Variants in KCNT1 observed in about 807,000 individuals in gnomAD.
The protein encoded by KCNT1 is potassium channel subfamily T member 1.
KCNT1 carries 78 observed loss-of-function variants against 147.8 expected under a neutral mutation model. The observed-to-expected ratio is 0.53, with a 90% CI of 0.44 to 0.64. The LOEUF (loss-of-function observed/expected upper bound fraction) is 0.64, where lower values mean the gene tolerates loss of function less well. Ranked by LOEUF, KCNT1 falls within the 30% of genes least tolerant of loss-of-function variation. The pLI, the probability that KCNT1 is intolerant of heterozygous loss-of-function variation, is 0.00. For synonymous variants in KCNT1, 867 were observed against 748.8 expected (o/e 1.16, Z -2.58); for missense variants, 1,419 against 1,750.3 (o/e 0.81, Z 3.38).
chr9:135,710,650 A>G (rs1327658156), intron 1 of KCNT1, among the ~76,000 whole-genome samples: 1 of 152,206 alleles, frequency 6.6e-6, no homozygotes, highest in Admixed American at 6.5e-5. Flanking sequence ...GCCAGACCGC[A>G]GAGTGTCAGC....
intron 2 of KCNT1, among the ~76,000 whole-genome samples, chr9:135,737,234 G>A (rs1268729614): frequency 2.0e-5 from 3 of 152,204 alleles, no homozygotes; most frequent in Non-Finnish European, 2.9e-5. Flanking sequence ...GCTGCCTGGG[G>A]AGCCCTGCTG....
At position 135,702,199 on chromosome 9, in the gene KCNT1, G is replaced by A. The variant is rs1835059697; in HGVS notation, c.-60G>A. The A allele has an allele frequency of 1.6e-6, 2 of 1,258,448 alleles. No homozygotes were observed. The highest frequency in any genetic ancestry group is 2.3e-6 in the Non-Finnish European group (2 of 874,422). 78.0% of individuals were successfully genotyped at this position (1,258,448 alleles called of 1,614,324 possible). A position where few individuals can be genotyped will look rare whatever the true frequency, so the allele number is the denominator to read the frequency against. On this transcript the variant is annotated 5_prime_UTR_variant, in exon 1 of 31. Transcript: ENST00000371757. ...AAATGTTTTTCAGGGCAACGCGAGGGAAGAAGGTGGCGGCTCCCACTCGCT... is the reference window on the plus strand; with the variant it reads ...AAATGTTTTTCAGGGCAACGCGAGGAAAGAAGGTGGCGGCTCCCACTCGCT...
In KCNT1 at chr9:135,714,600, C is replaced by A; in HGVS notation, c.134C>A (p.Ala45Glu). Residue 45 changes from alanine to glutamate, a missense_variant, in exon 2 of 31, where the codon GCG (alanine) becomes GAG (glutamate). Ala to Glu is a moderately radical substitution (Grantham distance 107, BLOSUM62 -1). Coordinates refer to ENST00000371757, the MANE Select transcript of KCNT1 (RefSeq NM_020822.3). The surrounding 1 kb of genome is among the most constrained non-coding windows in gnomAD (Gnocchi z 6.2). The part of the protein sequence containing the change: ...APRRPCAGDG[A>E]LLDTAGFKMS... ...AGGCGGCCCTGCGCGGGGGACGGCG[C>A]GCTCCTGGACACCGCCGGCTTCAAG... 1 of 1,406,292 alleles carries A rather than the reference C, an allele frequency of 7.1e-7. No individual in the cohort carries two copies. The highest frequency in any genetic ancestry group is 1.5e-5 in the African/African-American group (1 of 66,526). 87.1% of individuals were successfully genotyped at this position (1,406,292 alleles called of 1,614,324 possible).
In KCNT1 at chr9:135,730,767, C is replaced by T. The variant is rs897284943; in HGVS notation, c.254+16047C>T. ...TTGGGAGGCCAAGGCAGGCAGATCT[C>T]TCGAGCTCAGGAGTTCCAGACCAGC... On this transcript the variant is annotated intron_variant, in intron 2 of 30. Transcript: ENST00000371757. The surrounding 1 kb of genome is among the most constrained non-coding windows in gnomAD (Gnocchi z 4.7). 6.6e-6 allele frequency among the ~76,000 whole-genome samples: 1 copy of T among 152,086 alleles called. No homozygotes were observed. Among genetic ancestry groups the T allele is most frequent in the African/African-American group, 2.4e-5 (1 of 41,406 alleles).
chr9:135,706,887 TA>T (rs763134066), intron 1 of KCNT1, among the ~76,000 whole-genome samples: 3 of 152,038 alleles, frequency 2.0e-5, no homozygotes, highest in African/African-American at 4.8e-5. Flanking sequence ...TACGGGCCCC[TA>T]GATGGAGCAG....
chr9:135,753,821 C>T (rs887947573), intron 4 of KCNT1, 116 bp from the exon 5 acceptor site: 30 of 1,029,036 alleles, frequency 2.9e-5, no homozygotes, highest in Middle Eastern at 4.1e-4. Context: ...GGGTTAGCCC[C>T]GGGTGGGTGA....
intron 11 of KCNT1, among the ~76,000 whole-genome samples, chr9:135,762,523 A>G (rs1050567941): frequency 1.3e-5 from 2 of 152,138 alleles, no homozygotes; most frequent in African/African-American, 4.8e-5. Flanking sequence ...CGAGGTGGGT[A>G]GATCACTTGA....
At chr9:135,791,404 T>TCTCGGTGGTC in intron 29 of KCNT1, 3 of 255,930 alleles carry the variant, frequency 1.2e-5, no homozygotes, top group South Asian at 5.0e-5. Context: ...CAGGTGTAGA[T>TCTCGGTGGTC]GAAGGCATGC....
intron 1 of KCNT1, among the ~76,000 whole-genome samples, chr9:135,706,408 C>A (rs1287786724): frequency 6.6e-6 from 1 of 152,230 alleles, no homozygotes; most frequent in Non-Finnish European, 1.5e-5. Flanking sequence ...TGGCCCACGG[C>A]CCCCAGGGGT....
rs1195735909 is a variant in KCNT1 at position 135,756,946 on chromosome 9, C to T, written c.600+14C>T. ...CTCAGCTACAAAGTGAGTGCCTGCC[C>T]GGGATGGCACCTCACAGGGGGTCCC... On this transcript the variant is annotated intron_variant, in intron 7 of 30. Transcript: ENST00000371757. 27 of 1,611,094 alleles carry T rather than the reference C, an allele frequency of 1.7e-5. 1 individual carries two copies. Among genetic ancestry groups the T allele is most frequent in the Admixed American group, 8.3e-5 (5 of 59,934 alleles).
Position 135,784,516 on chromosome 9 carries a change from T to G in KCNT1, c.2944-19T>G. On this transcript the variant is annotated intron_variant, in intron 25 of 30. Coordinates refer to ENST00000371757, the MANE Select transcript of KCNT1 (RefSeq NM_020822.3). The stretch of plus-strand genomic sequence containing the variant: ...CTCCCTCCCTCCCTCCCTCCCTCCC[T>G]CCCTCCCTCCCTGGCCAGTCCTTCG... 2 of 164,464 alleles carry G rather than the reference T, an allele frequency of 1.2e-5. No homozygotes were observed. The highest frequency in any genetic ancestry group is 2.4e-5 in the Non-Finnish European group (2 of 83,254). 10.2% of individuals were successfully genotyped at this position (164,464 alleles called of 1,614,324 possible).
intron 2 of KCNT1, chr9:135,736,793 G>A: frequency 5.3e-6 from 2 of 376,058 alleles, no homozygotes; most frequent in East Asian, 7.5e-5. Context: ...CAGAGGTAGG[G>A]GCGCGCGGGC....
At chr9:135,747,291 G>A (rs1423504006) in intron 2 of KCNT1, among the ~76,000 whole-genome samples, 1 of 151,958 alleles carries the variant, frequency 6.6e-6, no homozygotes, top group Non-Finnish European at 1.5e-5. Flanking sequence ...CAAGTGAGGT[G>A]AGCAGACCCC....
intron 9 of KCNT1, 37 bp from the exon 10 acceptor site, chr9:135,758,377 A>G: frequency 1.3e-6 from 2 of 1,509,376 alleles, no homozygotes; most frequent in Non-Finnish European, 1.8e-6. Context: ...CGGGGTCCAC[A>G]GTCCCTGCCC....
At chr9:135,779,226 G>T in intron 23 of KCNT1, 133 bp from the exon 24 acceptor site, 1 of 587,494 alleles carries the variant, frequency 1.7e-6, no homozygotes. Context: ...AAGACAGTGG[G>T]CCCTGCCCTG....
chr9:135,750,592 C>T (rs1408960529), intron 3 of KCNT1: 6 of 463,222 alleles, frequency 1.3e-5, no homozygotes, highest in Non-Finnish European at 2.4e-5. Context: ...TCATGCTCCC[C>T]CCGGGATTGC....
chr9:135,765,809 C>T (rs1248762455), intron 13 of KCNT1, 49 bp downstream of exon 13: 6 of 1,511,736 alleles, frequency 4.0e-6, no homozygotes, highest in Non-Finnish European at 5.4e-6. Context: ...CTTCCTGAGT[C>T]AGGTCGGCTG....
At chr9:135,727,763 C>T (rs1202085518) in intron 2 of KCNT1, among the ~76,000 whole-genome samples, 1 of 152,246 alleles carries the variant, frequency 6.6e-6, no homozygotes, top group Non-Finnish European at 1.5e-5. Flanking sequence ...AGGTGGGGCC[C>T]ACAGGGGAGC....
In KCNT1 at chr9:135,784,140, GGCA is replaced by G. The variant is rs1401179576; in HGVS notation, c.2943+20_2943+22del. The stretch of plus-strand genomic sequence containing the variant: ...TGCTCTACCAGGTCAGCGGGGAAGC[GGCA>G]GCAGGAGGGTGGCGCCTGGGTGGGA... On this transcript the variant is annotated intron_variant, in intron 25 of 30. Coordinates refer to ENST00000371757, the MANE Select transcript of KCNT1 (RefSeq NM_020822.3). The G allele has an allele frequency of 6.3e-7, 1 of 1,595,136 alleles. No individual in the cohort carries two copies. Among genetic ancestry groups the G allele is most frequent in the Non-Finnish European group, 8.5e-7 (1 of 1,173,794 alleles).
Sources: gnomAD v4.1 joint callset for allele counts (sites outside exome capture counted in the v4.1 genomes callset) on GRCh38, gnomAD v4.1.1 for gene constraint, Gnocchi (gnomAD v3.1) non-coding constraint, MANE v1.5 for transcripts, NCBI Gene and HGNC (gene_info 2026-07-23, HGNC 2026-07-21) for gene names.